Variants in DOK6 observed in about 807,000 individuals in gnomAD.
The protein encoded by DOK6 is docking protein 6, also known as downstream of tyrosine kinase 6.
In DOK6, 22 loss-of-function variants were observed where a neutral mutation model predicts 44.0. The observed-to-expected ratio is 0.50, with a 90% confidence interval of 0.36 to 0.71. DOK6 has a LOEUF of 0.71. Ranked by LOEUF, DOK6 falls within the 30% of genes least tolerant of loss-of-function variation. DOK6 has a pLI of 0.00. For synonymous variants in DOK6, 166 were observed against 145.5 expected (o/e 1.14, Z -1.01); for missense variants, 340 against 416.4 (o/e 0.82, Z 1.60).
chr18:69,529,570 A>G (rs1981927527), intron 1 of DOK6, among the ~76,000 whole-genome samples: 2 of 152,230 alleles, frequency 1.3e-5, no homozygotes, highest in Non-Finnish European at 1.5e-5. Flanking sequence ...ATTGCAAGAT[A>G]GCGTAATGGG....
At chr18:69,653,976 C>G (rs1407572257) in intron 3 of DOK6, among the ~76,000 whole-genome samples, 2 of 152,074 alleles carry the variant, frequency 1.3e-5, no homozygotes, top group Non-Finnish European at 2.9e-5. Context: ...CTGTGATTAA[C>G]ATGCTCAAAA....
rs556317719 is a variant in DOK6, at chr18:69,800,513, A to T, written c.857-40731A>T. Reference sequence around the variant, plus strand: ...GTAATACAATTGCTTTAACACAAAAAACTTTGTTAGTTTATTTTGTCAGAA... The same window carrying T: ...GTAATACAATTGCTTTAACACAAAATACTTTGTTAGTTTATTTTGTCAGAA... On this transcript the variant is annotated intron_variant, in intron 7 of 7. Coordinates refer to ENST00000382713, the MANE Select transcript of DOK6 (RefSeq NM_152721.6). Among the ~76,000 whole-genome samples the T allele has an allele frequency of 3.3e-5, 5 of 152,296 alleles. No homozygotes were observed. The East Asian group carries it at 9.6e-4, about 29-fold the overall frequency.
chr18:69,770,748 T>G (rs1979863914), intron 7 of DOK6, among the ~76,000 whole-genome samples: 1 of 152,152 alleles, frequency 6.6e-6, no homozygotes, highest in African/African-American at 2.4e-5. Context: ...CACATTCAAA[T>G]GTGTTCCTCC....
intron 3 of DOK6, among the ~76,000 whole-genome samples, chr18:69,631,886 A>G (rs1178405365): frequency 6.6e-6 from 1 of 152,190 alleles, no homozygotes; most frequent in East Asian, 1.9e-4. Flanking sequence ...GCTTACTTTC[A>G]TCTCCAATTC....
At chr18:69,572,977 A>C (rs192150891) in intron 2 of DOK6, among the ~76,000 whole-genome samples, 7 of 151,722 alleles carry the variant, frequency 4.6e-5, no homozygotes, top group Admixed American at 3.9e-4. Flanking sequence ...TGTAGCAGGT[A>C]TGTTTTCAAA....
chr18:69,588,744 A>G (rs1014018414), intron 2 of DOK6, among the ~76,000 whole-genome samples: 3 of 152,172 alleles, frequency 2.0e-5, no homozygotes, highest in Non-Finnish European at 4.4e-5. Context: ...GATGTTGAGT[A>G]GACAGCCAAT....
At chr18:69,404,786 GGTGTGTGTGTGTGTGT>G (rs59807127) in intron 1 of DOK6, among the ~76,000 whole-genome samples, 2 of 149,946 alleles carry the variant, frequency 1.3e-5, no homozygotes, top group South Asian at 2.1e-4. Flanking sequence ...AGGATAGGGT[GGTGTGTGTGTGTGTGT>G]GTGTGTGTGT....
intron 5 of DOK6, among the ~76,000 whole-genome samples, chr18:69,726,658 T>C (rs925074969): frequency 2.1e-5 from 3 of 141,322 alleles, no homozygotes; most frequent in Non-Finnish European, 4.8e-5. Context: ...CATGTATGTA[T>C]ATGTGTGTGT....
intron 5 of DOK6, among the ~76,000 whole-genome samples, chr18:69,711,100 G>A (rs1345476818): frequency 6.6e-6 from 1 of 152,158 alleles, no homozygotes; most frequent in Non-Finnish European, 1.5e-5. Flanking sequence ...TTTCAAATTT[G>A]TTTTCCATAT....
At position 69,847,233 on chromosome 18, in the gene DOK6, G is replaced by A. The variant is rs529428738; in HGVS notation, c.*5850G>A. Reference sequence around the variant, plus strand: ...TTAAATTTTCTAATCATTATTTTGGGCCCATGTTAGCAGTTGAAACAATTA... The same window carrying A: ...TTAAATTTTCTAATCATTATTTTGGACCCATGTTAGCAGTTGAAACAATTA... On this transcript the variant is annotated 3_prime_UTR_variant, in exon 8 of 8. Transcript: ENST00000382713. 6.6e-5 allele frequency: 10 copies of A among 152,016 alleles called. No individual in the cohort carries two copies. The highest frequency in any genetic ancestry group is 2.4e-4 in the African/African-American group (10 of 41,454). The allele number at this position is 152,016 out of a possible 1,614,324, so 9.4% of individuals were successfully genotyped here.
intron 7 of DOK6, among the ~76,000 whole-genome samples, chr18:69,790,450 T>C (rs1980561188): frequency 6.6e-6 from 1 of 152,156 alleles, no homozygotes; most frequent in African/African-American, 2.4e-5. Flanking sequence ...AATTGCTGTG[T>C]TTCTGAGAAC....
In DOK6 at chr18:69,828,884, G is replaced by GTATATATATATATATATATATA. The variant is rs74175393; in HGVS notation, c.857-12344_857-12343insTATATATATATATATATATATA. Among the ~76,000 whole-genome samples the GTATATATATATATATATATATA allele has an allele frequency of 8.8e-3, 789 of 90,076 alleles. 70 individuals are homozygous for GTATATATATATATATATATATA. The highest frequency in any genetic ancestry group is 0.015 in the East Asian group (36 of 2,452). 59.1% of individuals were successfully genotyped at this position (90,076 alleles called of 152,430 possible). ...ATTATTAATAGCAATACATTTATGT[G>GTATATATATATATATATATATA]TATATATATATATATAGTATGTATG... On this transcript the variant is annotated intron_variant, in intron 7 of 7. Transcript: ENST00000382713.
At chr18:69,411,337 T>C (rs1009141406) in intron 1 of DOK6, among the ~76,000 whole-genome samples, 1 of 152,132 alleles carries the variant, frequency 6.6e-6, no homozygotes, top group African/African-American at 2.4e-5. Flanking sequence ...CATTGTCAAA[T>C]TAACAAAATT....
chr18:69,651,698 A>G (rs1985232544), intron 3 of DOK6, among the ~76,000 whole-genome samples: 1 of 151,840 alleles, frequency 6.6e-6, no homozygotes, highest in Admixed American at 6.6e-5. Context: ...CATGTTGGCC[A>G]AGCTGATTTC....
intron 6 of DOK6, among the ~76,000 whole-genome samples, chr18:69,748,922 T>C (rs150268362): frequency 4.9e-4 from 74 of 152,304 alleles, no homozygotes; most frequent in African/African-American, 1.7e-3. Flanking sequence ...CCACCAATGA[T>C]AGACTGGATA....
intron 2 of DOK6, among the ~76,000 whole-genome samples, chr18:69,589,800 C>T (rs190185710): frequency 6.6e-6 from 1 of 152,034 alleles, no homozygotes; most frequent in Admixed American, 6.6e-5. Context: ...CAAATTTTAC[C>T]GAGCATGCAA....
chr18:69,696,237 C>T (rs533278133), intron 4 of DOK6, among the ~76,000 whole-genome samples: 1 of 152,288 alleles, frequency 6.6e-6, no homozygotes, highest in Admixed American at 6.5e-5. Flanking sequence ...TTTGAGCACA[C>T]AAACATTTCA....
In DOK6 at chr18:69,599,864, A is replaced by T. The variant is rs1016848099; in HGVS notation, c.289+366A>T. On this transcript the variant is annotated intron_variant, in intron 3 of 7. Coordinates refer to ENST00000382713, the MANE Select transcript of DOK6 (RefSeq NM_152721.6). Reference sequence around the variant, plus strand: ...AGGAATCAGGGTGCTGTGCAAAAGCATGGCAGAGCACAGCCCCAGTCCGCA... The same window carrying T: ...AGGAATCAGGGTGCTGTGCAAAAGCTTGGCAGAGCACAGCCCCAGTCCGCA... Among the ~76,000 whole-genome samples the T allele has an allele frequency of 3.9e-5, 6 of 152,344 alleles. No homozygotes were observed. The South Asian group carries it at 1.0e-3, about 26-fold the overall frequency.
At chr18:69,594,734 A>G (rs897065244) in intron 2 of DOK6, among the ~76,000 whole-genome samples, 1 of 152,118 alleles carries the variant, frequency 6.6e-6, no homozygotes, top group African/African-American at 2.4e-5. Context: ...CACACCTGCA[A>G]TGCTAACACT....
Sources: gnomAD v4.1 joint callset for allele counts (sites outside exome capture counted in the v4.1 genomes callset) on GRCh38, gnomAD v4.1.1 for gene constraint, MANE v1.5 for transcripts, NCBI Gene and HGNC (gene_info 2026-07-23, HGNC 2026-07-21) for gene names.